RING1: variants seen among roughly 807,000 people sequenced by gnomAD.
The protein encoded by RING1 is ring finger protein 1.
A neutral mutation model predicts 35.0 loss-of-function variants in RING1; 8 were observed. The ratio of observed to expected loss-of-function variants is 0.23; its 90% CI spans 0.13 to 0.41. RING1 has a LOEUF of 0.41. RING1 is among the 10% of genes least tolerant of loss of function. RING1 has a pLI of 1.00. For synonymous variants in RING1, 214 were observed against 224.3 expected (o/e 0.95, Z 0.41); for missense variants, 343 against 546.8 (o/e 0.63, Z 3.72).
Position 33,212,092 on chromosome 6 carries a change from A to G in RING1, c.1119+90A>G, listed in dbSNP as rs75993808. 4,450 of 1,053,678 alleles carry G rather than the reference A, an allele frequency of 4.2e-3. 176 individuals carry two copies. The East Asian group carries it at 0.083, about 20-fold the overall frequency. 65.3% of individuals were successfully genotyped at this position (1,053,678 alleles called of 1,614,324 possible). ...AACCATGAGCCTGGTCTAACTCATC[A>G]GCACTCTTCCCCTATACATCCTCTA... On this transcript the variant is annotated intron_variant, in intron 6 of 6. Coordinates refer to ENST00000374656, the MANE Select transcript of RING1 (RefSeq NM_002931.4).
At position 33,208,696 on chromosome 6, in the gene RING1, TC is replaced by T. The variant is rs1168484508; in HGVS notation, c.-59+53del. On this transcript the variant is annotated intron_variant, in intron 1 of 6. Coordinates refer to ENST00000374656, the MANE Select transcript of RING1 (RefSeq NM_002931.4). The surrounding 1 kb of genome is among the most constrained non-coding windows in gnomAD (Gnocchi z 6.2). ...GGGAGCGGGGGCGGAGAGGGGCGCT[TC>T]TGGAGGGGCGGGGTCTACGCGAGGG... The T allele has an allele frequency of 1.3e-5, 10 of 747,788 alleles. No individual in the cohort carries two copies. Among genetic ancestry groups the T allele is most frequent in the Admixed American group, 3.2e-5 (1 of 31,044 alleles). The allele number at this position is 747,788 out of a possible 1,614,324, so 46.3% of individuals were successfully genotyped here.
intron 4 of RING1, among the ~76,000 whole-genome samples, 168 bp from the exon 5 acceptor site, chr6:33,210,990 G>A (rs1775485058): frequency 6.6e-6 from 1 of 152,218 alleles, no homozygotes. Flanking sequence ...ATTGTATTAG[G>A]TAAGGGGATT....
chr6:33,210,145 A>G lies in RING1; in HGVS notation c.455+15A>G, dbSNP rs766484158. On this transcript the variant is annotated intron_variant, in intron 4 of 6. Transcript: ENST00000374656. ...GCCATGCACAGGTGTGAGGGTCAGG[A>G]GAGAAGCAGAACTGATGGGATGGGT... The G allele has an allele frequency of 6.2e-6, 10 of 1,612,000 alleles. No homozygotes were observed. In the Admixed American group the frequency reaches 1.7e-4, roughly 27 times the overall value.
Position 33,208,995 on chromosome 6 carries a change from T to C in RING1, c.78+95T>C, listed in dbSNP as rs1326592487. 9.4e-7 allele frequency: 1 copy of C among 1,062,432 alleles called. No homozygotes were observed. Among genetic ancestry groups the C allele is most frequent in the East Asian group, 2.6e-5 (1 of 38,872 alleles). The allele number at this position is 1,062,432 out of a possible 1,614,324, so 65.8% of individuals were successfully genotyped here. A position where few individuals can be genotyped will look rare whatever the true frequency, so the allele number is the denominator to read the frequency against. On this transcript the variant is annotated intron_variant, in intron 2 of 6. Coordinates refer to ENST00000374656, the MANE Select transcript of RING1 (RefSeq NM_002931.4). This position sits in a 1 kb window ranked among gnomAD's most constrained non-coding sequence, Gnocchi z 6.2. ...AGCTTCTTTTCCGTAATTTGCTCTA[T>C]TCTGCCTTGCCTGGCCCTACCTTTG... is the stretch of plus-strand genomic sequence containing the variant.
At position 33,212,391 on chromosome 6, in the gene RING1, C is replaced by G; in HGVS notation, c.1213C>G (p.Pro405Ala). ...LELCYAPTKD[P>A]K is the part of the protein sequence containing the mutation. ...GCTGTGCTATGCTCCCACCAAGGAT[C>G]CAAAGTGACCCCACCAGGGGACAGC... is the stretch of plus-strand genomic sequence containing the variant. The change falls in exon 7 of 7, where the codon CCA becomes GCA. Residue 405 changes from proline (P) to alanine (A), a missense_variant. Physicochemically the swap from Pro to Ala is conservative, Grantham distance 27. Transcript: ENST00000374656. The G allele has an allele frequency of 1.3e-6, 2 of 1,583,798 alleles. No individual in the cohort carries two copies. Among genetic ancestry groups the G allele is most frequent in the Non-Finnish European group, 1.7e-6 (2 of 1,164,064 alleles).
Position 33,211,524 on chromosome 6 carries a change from G to C in RING1, c.822G>C (p.Glu274Asp). The C allele has an allele frequency of 1.2e-6, 2 of 1,612,176 alleles. No individual in the cohort carries two copies. The highest frequency in any genetic ancestry group is 1.7e-6 in the Non-Finnish European group (2 of 1,179,988). ...LVFRPHPLLV[E>D]KGEYCQTRYV... ...TCCGGCCCCACCCCCTGCTCGTGGA[G>C]AAGGGAGAATACTGCCAGACGAGGT... Residue 274 changes from glutamate to aspartate, a missense_variant, in exon 5 of 7, where the codon GAG becomes GAC. Coordinates refer to ENST00000374656, the MANE Select transcript of RING1 (RefSeq NM_002931.4). This position sits in a 1 kb window ranked among gnomAD's most constrained non-coding sequence, Gnocchi z 6.3.
chr6:33,212,665 T>TC lies in RING1; in HGVS notation c.*269dup. ...AGGTGTTGGAGAAGGTGAAGAACCC[T>TC]CCCATTCACGCCCGCCTACCAACAA... On this transcript the variant is annotated 3_prime_UTR_variant, in exon 7 of 7. Transcript: ENST00000374656. 1 of 376,688 alleles carries TC rather than the reference T, an allele frequency of 2.7e-6. No homozygotes were observed. The highest frequency in any genetic ancestry group is 2.1e-5 in the African/African-American group (1 of 48,480). 23.3% of individuals were successfully genotyped at this position (376,688 alleles called of 1,614,324 possible).
In RING1 at chr6:33,209,481, T is replaced by C; in HGVS notation, c.79-145T>C. On this transcript the variant is annotated intron_variant, in intron 2 of 6. Transcript: ENST00000374656. This position sits in a 1 kb window ranked among gnomAD's most constrained non-coding sequence, Gnocchi z 5.1. ...CCATTTGCTCCAAGTCATCAGTCCT[T>C]CTCTTTCTCAGAATTCTTGTCTCCT... The C allele has an allele frequency of 1.3e-6, 1 of 740,966 alleles. No homozygotes were observed. The highest frequency in any genetic ancestry group is 2.5e-5 in the East Asian group (1 of 39,426). 45.9% of individuals were successfully genotyped at this position (740,966 alleles called of 1,614,324 possible). A position where few individuals can be genotyped will look rare whatever the true frequency, so the allele number is the denominator to read the frequency against.
rs1775419267 is a variant in RING1 at position 33,210,120 on chromosome 6, G to A, written c.445G>A (p.Ala149Thr). The A allele has an allele frequency of 6.2e-7, 1 of 1,613,886 alleles. No individual in the cohort carries two copies. The highest frequency in any genetic ancestry group is 8.5e-7 in the Non-Finnish European group (1 of 1,180,022). Reference protein sequence around the residue: ...SSIEEGLRMQAMHRAQRVRRP... With the variant: ...SSIEEGLRMQTMHRAQRVRRP... ...CATTGAGGAGGGGCTACGCATGCAG[G>A]CCATGCACAGGTGTGAGGGTCAGGA... Residue 149 changes from alanine to threonine, a missense_variant, in exon 4 of 7, where the codon GCC becomes ACC. Transcript: ENST00000374656.
Position 33,211,323 on chromosome 6 carries a change from C to G in RING1, c.621C>G (p.Gly207=). Residue 207 remains glycine (G), a synonymous_variant, in exon 5 of 7, where the codon GGC becomes GGG. Coordinates refer to ENST00000374656, the MANE Select transcript of RING1 (RefSeq NM_002931.4). The surrounding 1 kb of genome is among the most constrained non-coding windows in gnomAD (Gnocchi z 6.3). ...GPAPKRPRGG[G]AGGSSVGTGG... ...CTCCCAAGCGACCCCGTGGAGGGGG[C>G]GCAGGGGGGAGCAGTGTAGGGACAG... The G allele has an allele frequency of 6.3e-7, 1 of 1,578,662 alleles. No individual in the cohort carries two copies. The highest frequency in any genetic ancestry group is 8.6e-7 in the Non-Finnish European group (1 of 1,162,020).
chr6:33,208,539 G>A lies in RING1; in HGVS notation c.-164G>A, dbSNP rs1562448020. The A allele has an allele frequency of 4.7e-6, 2 of 421,152 alleles. No individual in the cohort carries two copies. Among genetic ancestry groups the A allele is most frequent in the Non-Finnish European group, 8.3e-6 (2 of 240,542 alleles). The allele number at this position is 421,152 out of a possible 1,614,324, so 26.1% of individuals were successfully genotyped here. On this transcript the variant is annotated 5_prime_UTR_variant, in exon 1 of 7. Transcript: ENST00000374656. The surrounding 1 kb of genome is among the most constrained non-coding windows in gnomAD (Gnocchi z 6.2). The stretch of plus-strand genomic sequence containing the variant: ...CCCGGGCCATGGCGGCGGCGGTGGC[G>A]GGAGCTGCTGTCTGAGCAGCGGTTG...
rs1471141165 is a variant in RING1, at chr6:33,209,194, T to G, written c.78+294T>G. On this transcript the variant is annotated intron_variant, in intron 2 of 6. Coordinates refer to ENST00000374656, the MANE Select transcript of RING1 (RefSeq NM_002931.4). This position sits in a 1 kb window ranked among gnomAD's most constrained non-coding sequence, Gnocchi z 5.1. ...TAAGTCAGTGCACATAAGACTCACT[T>G]TGGGAGTTTATTAAAAGCAGAGCTT... is the stretch of plus-strand genomic sequence containing the variant. 3 of 636,750 alleles carry G rather than the reference T, an allele frequency of 4.7e-6. No homozygotes were observed. Among genetic ancestry groups the G allele is most frequent in the Non-Finnish European group, 8.6e-6 (3 of 347,778 alleles). The allele number at this position is 636,750 out of a possible 1,614,324, so 39.4% of individuals were successfully genotyped here.
chr6:33,212,542 A>C lies in RING1; in HGVS notation c.*143A>C. 1 of 616,342 alleles carries C rather than the reference A, an allele frequency of 1.6e-6. No homozygotes were observed. The highest frequency in any genetic ancestry group is 2.9e-6 in the Non-Finnish European group (1 of 343,556). The allele number at this position is 616,342 out of a possible 1,614,324, so 38.2% of individuals were successfully genotyped here. ...AATGAGGACACGTGGCTTTTATACA[A>C]AGTATCTATATGAGATTCTTCTATA... On this transcript the variant is annotated 3_prime_UTR_variant, in exon 7 of 7. Transcript: ENST00000374656.
chr6:33,211,717 C>T lies in RING1; in HGVS notation c.846-12C>T. On this transcript the variant is annotated splice_polypyrimidine_tract_variant and intron_variant, in intron 5 of 6. Transcript: ENST00000374656. This position sits in a 1 kb window ranked among gnomAD's most constrained non-coding sequence, Gnocchi z 6.3. ...CGCTCTGGCTCTAAGCCTGTCCTCC[C>T]TCCCATTCCAGGTATGTGAAGACAA... is the stretch of plus-strand genomic sequence containing the variant. 1 of 1,537,112 alleles carries T rather than the reference C, an allele frequency of 6.5e-7. No homozygotes were observed. The highest frequency in any genetic ancestry group is 1.4e-5 in the African/African-American group (1 of 72,666).
In RING1 at chr6:33,211,495, G is replaced by T; in HGVS notation, c.793G>T (p.Val265Leu). The change falls in exon 5 of 7, where the codon GTG (valine) becomes TTG (leucine). Residue 265 changes from valine to leucine, a missense_variant. Transcript: ENST00000374656. This position sits in a 1 kb window ranked among gnomAD's most constrained non-coding sequence, Gnocchi z 6.3. ...PPEPGGEIEL[V>L]FRPHPLLVEK... The stretch of plus-strand genomic sequence containing the variant: ...AGAGCCAGGTGGAGAAATTGAGCTC[G>T]TGTTCCGGCCCCACCCCCTGCTCGT... 1 of 1,612,212 alleles carries T rather than the reference G, an allele frequency of 6.2e-7. No homozygotes were observed. Among genetic ancestry groups the T allele is most frequent in the Non-Finnish European group, 8.5e-7 (1 of 1,179,818 alleles).
rs529108271 is a variant in RING1, at chr6:33,208,558, G to C, written c.-145G>C. ...GGTGGCGGGAGCTGCTGTCTGAGCA[G>C]CGGTTGCGGACCGAGCGAACTTGGC... On this transcript the variant is annotated 5_prime_UTR_variant, in exon 1 of 7. Transcript: ENST00000374656. The surrounding 1 kb of genome is among the most constrained non-coding windows in gnomAD (Gnocchi z 6.2). The C allele has an allele frequency of 2.3e-6, 1 of 441,628 alleles. No individual in the cohort carries two copies. Among genetic ancestry groups the C allele is most frequent in the South Asian group, 5.8e-5 (1 of 17,236 alleles). 27.4% of individuals were successfully genotyped at this position (441,628 alleles called of 1,614,324 possible).
intron 6 of RING1, 60 bp downstream of exon 6, chr6:33,212,062 C>A (rs921562990): frequency 6.7e-5 from 89 of 1,335,324 alleles, no homozygotes; most frequent in Non-Finnish European, 8.7e-5. Context: ...GTCTGGGCCA[C>A]ATAGAACCAT....
Position 33,211,323 on chromosome 6 carries a change from C to T in RING1, c.621C>T (p.Gly207=), listed in dbSNP as rs1775514414. The T allele has an allele frequency of 5.1e-6, 8 of 1,578,574 alleles. No individual in the cohort carries two copies. The highest frequency in any genetic ancestry group is 2.2e-5 in the South Asian group (2 of 90,128). ...CTCCCAAGCGACCCCGTGGAGGGGG[C>T]GCAGGGGGGAGCAGTGTAGGGACAG... ...GPAPKRPRGG[G]AGGSSVGTGG... The change falls in exon 5 of 7, where the codon GGC becomes GGT. Residue 207 remains glycine, a synonymous_variant. Coordinates refer to ENST00000374656, the MANE Select transcript of RING1 (RefSeq NM_002931.4). The surrounding 1 kb of genome is among the most constrained non-coding windows in gnomAD (Gnocchi z 6.3).
At chr6:33,212,044 G>A (rs777183990) in intron 6 of RING1, 42 bp downstream of exon 6, 2 of 1,451,956 alleles carry the variant, frequency 1.4e-6, no homozygotes, top group Non-Finnish European at 1.8e-6. Context: ...GGGAGAGGAG[G>A]GAGGGTGGTC....
Sources: gnomAD v4.1 joint callset for allele counts (sites outside exome capture counted in the v4.1 genomes callset) on GRCh38, gnomAD v4.1.1 for gene constraint, Gnocchi (gnomAD v3.1) non-coding constraint, MANE v1.5 for transcripts, NCBI Gene and HGNC (gene_info 2026-07-23, HGNC 2026-07-21) for gene names.